The following REG4 variants were observed in gnomAD, a reference collection of about 807,000 sequenced individuals.
REG4 encodes regenerating islet-derived protein 4.
Under a neutral mutation model 22.3 loss-of-function variants are expected in REG4, and 16 were observed. The observed-to-expected ratio is 0.72, with a 90% CI of 0.49 to 1.09. The LOEUF is 1.09. Among genes scored for constraint, REG4 ranks in the 50% least tolerant of loss-of-function variants. The probability of loss-of-function intolerance (pLI) is 0.00; values close to 1 mark genes in which losing one functional copy is unlikely to be tolerated. For missense variants in REG4, 214 were observed against 193.9 expected (o/e 1.10, Z -0.61); for synonymous variants, 71 against 69.2 (o/e 1.03, Z -0.13).
chr1:119,797,195 G>A (rs898019154), intron 5 of REG4, among the ~76,000 whole-genome samples: 11 of 150,950 alleles, frequency 7.3e-5, no homozygotes, highest in Non-Finnish European at 1.6e-4. Flanking sequence ...AGTGCTAACT[G>A]TTTAAAATTT....
rs587707054 is a variant in REG4 at position 119,806,329 on chromosome 1, C to T, written c.67+2374G>A. On this transcript the variant is annotated intron_variant, in intron 2 of 5. Coordinates refer to ENST00000256585, the MANE Select transcript of REG4 (RefSeq NM_032044.4). Reference sequence around the variant, plus strand: ...TATTCTAATCATCTTCATAATAACCCTGTCATTATTCCTACGTTCCAGATG... The same window carrying T: ...TATTCTAATCATCTTCATAATAACCTTGTCATTATTCCTACGTTCCAGATG... Among the ~76,000 whole-genome samples, 17 of 152,286 alleles carry T rather than the reference C, an allele frequency of 1.1e-4. No homozygotes were observed. The South Asian group carries it at 3.3e-3, about 30-fold the overall frequency.
intron 3 of REG4, 142 bp downstream of exon 3, chr1:119,802,925 TC>T: frequency 6.4e-7 from 1 of 1,559,040 alleles, no homozygotes; most frequent in East Asian, 2.3e-5. Flanking sequence ...CACACAACCC[TC>T]TTCTCTCCAT....
intron 1 of REG4, among the ~76,000 whole-genome samples, chr1:119,810,209 G>A (rs72697203): frequency 0.015 from 2,242 of 152,046 alleles, 29 homozygotes; most frequent in Non-Finnish European, 0.023. Context: ...GGCCATTACT[G>A]TCACATAAGG....
At chr1:119,802,833 T>C in intron 3 of REG4, 1 of 1,533,332 alleles carries the variant, frequency 6.5e-7, no homozygotes, top group Non-Finnish European at 8.8e-7. Flanking sequence ...CTTTCCTATG[T>C]ATCCGTATGT....
At position 119,796,663 on chromosome 1, in the gene REG4, T is replaced by A. The variant is rs587666317; in HGVS notation, c.409+1834A>T. Among the ~76,000 whole-genome samples the A allele has an allele frequency of 4.3e-4, 66 of 152,294 alleles. No homozygotes were observed. In the Middle Eastern group the frequency reaches 0.01, roughly 24 times the overall value. ...CTACCTTCCACCAGTTTCTCTCAAA[T>A]CCTTGCTTCATTCCTTGTGCTTTTC... is the stretch of plus-strand genomic sequence containing the variant. On this transcript the variant is annotated intron_variant, in intron 5 of 5. Coordinates refer to ENST00000256585, the MANE Select transcript of REG4 (RefSeq NM_032044.4).
chr1:119,797,066 C>T (rs775827958), intron 5 of REG4, among the ~76,000 whole-genome samples: 8 of 152,176 alleles, frequency 5.3e-5, no homozygotes, highest in Non-Finnish European at 8.8e-5. Context: ...CATGGAGCCT[C>T]GCTTCTAACA....
chr1:119,808,966 A>C (rs1654416339), intron 1 of REG4, 103 bp from the exon 2 acceptor site: 1 of 518,100 alleles, frequency 1.9e-6, no homozygotes, highest in Non-Finnish European at 3.4e-6. Flanking sequence ...TCCAGACTTT[A>C]TAATGAAGGG....
chr1:119,795,133 A>G (rs1000947103), intron 5 of REG4, among the ~76,000 whole-genome samples: 1 of 152,196 alleles, frequency 6.6e-6, no homozygotes, highest in Admixed American at 6.5e-5. Context: ...CTGTCTCTCT[A>G]TATATACATC....
At chr1:119,804,059 G>T (rs1156315463) in intron 2 of REG4, among the ~76,000 whole-genome samples, 1 of 152,180 alleles carries the variant, frequency 6.6e-6, no homozygotes, top group Non-Finnish European at 1.5e-5. Context: ...TTATAAAGAG[G>T]GGGAGATGGC....
chr1:119,798,425 T>C, intron 5 of REG4, 72 bp downstream of exon 5: 1 of 1,228,214 alleles, frequency 8.1e-7, no homozygotes, highest in Non-Finnish European at 1.2e-6. Flanking sequence ...CTGTGCCTAT[T>C]TTTGTGCTTA....
Position 119,802,617 on chromosome 1 carries a change from G to A in REG4, c.165+451C>T, listed in dbSNP as rs923561947. On this transcript the variant is annotated intron_variant, in intron 3 of 5. Transcript: ENST00000256585. ...GTGGACTGTGTAGAGCAGCGGAAAA[G>A]TTTCCACATTTTCTTGGACTGCTTC... 5 of 1,339,082 alleles carry A rather than the reference G, an allele frequency of 3.7e-6. No homozygotes were observed. In the Admixed American group the frequency reaches 1.5e-4, roughly 39 times the overall value. 83.0% of individuals were successfully genotyped at this position (1,339,082 alleles called of 1,614,324 possible).
intron 3 of REG4, chr1:119,801,934 A>G (rs1654116639): frequency 6.6e-6 from 1 of 152,164 alleles, no homozygotes; most frequent in African/African-American, 2.4e-5. Context: ...CATGAGGTAA[A>G]AAGTATTATC....
At position 119,794,214 on chromosome 1, in the gene REG4, C is replaced by A; in HGVS notation, c.*404G>T. 2 of 538,104 alleles carry A rather than the reference C, an allele frequency of 3.7e-6. No individual in the cohort carries two copies. Among genetic ancestry groups the A allele is most frequent in the South Asian group, 2.8e-5 (2 of 71,608 alleles). 33.3% of individuals were successfully genotyped at this position (538,104 alleles called of 1,614,324 possible). A position where few individuals can be genotyped will look rare whatever the true frequency, so the allele number is the denominator to read the frequency against. On this transcript the variant is annotated 3_prime_UTR_variant, in exon 6 of 6. Coordinates refer to ENST00000256585, the MANE Select transcript of REG4 (RefSeq NM_032044.4). ...TTGAGTGGCTGGGGTGGGGTGCAGGCAATGGAGAGAGGGCAGAAGGGTGTA... is the reference window on the plus strand; with the variant it reads ...TTGAGTGGCTGGGGTGGGGTGCAGGAAATGGAGAGAGGGCAGAAGGGTGTA...
chr1:119,795,512 C>A (rs1242109578), intron 5 of REG4, among the ~76,000 whole-genome samples: 1 of 152,218 alleles, frequency 6.6e-6, no homozygotes, highest in Non-Finnish European at 1.5e-5. Flanking sequence ...AGGTGAGATC[C>A]AACTATTTCC....
intron 1 of REG4, among the ~76,000 whole-genome samples, chr1:119,810,127 T>C (rs1052749474): frequency 6.6e-6 from 1 of 152,112 alleles, no homozygotes; most frequent in African/African-American, 2.4e-5. Context: ...ATTTTTGCCA[T>C]TCTGAAATTT....
At chr1:119,805,448 C>T (rs905261229) in intron 2 of REG4, among the ~76,000 whole-genome samples, 5 of 152,114 alleles carry the variant, frequency 3.3e-5, no homozygotes, top group Non-Finnish European at 7.4e-5. Flanking sequence ...CCTTGGCCTT[C>T]CGTGAGCAAA....
intron 4 of REG4, among the ~76,000 whole-genome samples, chr1:119,799,409 TACACACACACACACACACACAC>T (rs58324924): frequency 1.5e-4 from 23 of 150,354 alleles, no homozygotes; most frequent in African/African-American, 5.4e-4. Context: ...CCTGTGTGCG[TACACACACACACACACACACAC>T]ACACACACAC....
chr1:119,795,831 C>T (rs937797870), intron 5 of REG4, among the ~76,000 whole-genome samples: 1 of 152,350 alleles, frequency 6.6e-6, no homozygotes, highest in East Asian at 1.9e-4. Context: ...CAGTGTGGGG[C>T]AAAGAGAATA....
chr1:119,808,928 A>G, intron 1 of REG4, 65 bp from the exon 2 acceptor site: 1 of 535,226 alleles, frequency 1.9e-6, no homozygotes, highest in Non-Finnish European at 3.3e-6. Context: ...CATATGGAGG[A>G]AAATAATACA....
Sources: allele counts gnomAD v4.1 joint callset (sites outside exome capture counted in the v4.1 genomes callset), GRCh38; gene constraint gnomAD v4.1.1; transcripts MANE v1.5; gene names NCBI Gene and HGNC (gene_info 2026-07-23, HGNC 2026-07-21).